The following TRIO variants were observed in gnomAD, a reference collection of about 807,000 sequenced individuals.
TRIO encodes triple functional domain protein.
In TRIO, 58 loss-of-function variants were observed where a neutral mutation model predicts 351.9. That is an observed-to-expected ratio of 0.16 (90% confidence interval 0.13 to 0.21). The LOEUF (loss-of-function observed/expected upper bound fraction) is 0.21. Among genes scored for constraint, TRIO ranks in the 10% least tolerant of loss-of-function variants. TRIO has a pLI of 1.00. For synonymous variants in TRIO, 1,758 were observed against 1,595.7 expected (o/e 1.10, Z -2.42); for missense variants, 3,201 against 4,027.8 (o/e 0.79, Z 5.56).
At chr5:14,155,129 T>C (rs1788033872) in intron 1 of TRIO, among the ~76,000 whole-genome samples, 1 of 152,154 alleles carries the variant, frequency 6.6e-6, no homozygotes, top group Non-Finnish European at 1.5e-5. Context: ...GGGGTGGGGG[T>C]AAACTTACTT....
At chr5:14,392,454 A>G (rs532785237) in intron 27 of TRIO, among the ~76,000 whole-genome samples, 2 of 152,350 alleles carry the variant, frequency 1.3e-5, no homozygotes, top group Non-Finnish European at 2.9e-5. Flanking sequence ...CTGTGGAGAA[A>G]TAGGAATGCT....
chr5:14,182,161 T>G (rs943080091), intron 1 of TRIO, among the ~76,000 whole-genome samples: 1 of 152,160 alleles, frequency 6.6e-6, no homozygotes. Context: ...GGCCTGAAGA[T>G]TTGATAAACG....
At chr5:14,377,110 G>C (rs1270718916) in intron 19 of TRIO, among the ~76,000 whole-genome samples, 2 of 148,348 alleles carry the variant, frequency 1.3e-5, no homozygotes, top group Admixed American at 6.7e-5. Flanking sequence ...GTTTTTGGTG[G>C]TTCTTGTTTG....
Position 14,364,961 on chromosome 5 carries a change from A to G in TRIO, c.2754+145A>G, listed in dbSNP as rs1744468991. On this transcript the variant is annotated intron_variant, in intron 15 of 56. Transcript: ENST00000344204. ...TCCTGATATGTAAGATAATGCGCACATACACACACCCCCGCCCCCCGATTA... is the reference window on the plus strand; with the variant it reads ...TCCTGATATGTAAGATAATGCGCACGTACACACACCCCCGCCCCCCGATTA... 7.4e-6 allele frequency: 8 copies of G among 1,085,408 alleles called. No individual in the cohort carries two copies. The South Asian group carries it at 1.4e-4, about 19-fold the overall frequency. The allele number at this position is 1,085,408 out of a possible 1,614,324, so 67.2% of individuals were successfully genotyped here. A position where few individuals can be genotyped will look rare whatever the true frequency, so the allele number is the denominator to read the frequency against.
chr5:14,252,994 T>G (rs906246267), intron 1 of TRIO, among the ~76,000 whole-genome samples: 2 of 152,218 alleles, frequency 1.3e-5, no homozygotes, highest in African/African-American at 4.8e-5. Context: ...GGCCCCAAAA[T>G]TACAATTAGC....
At chr5:14,479,825 G>T in intron 42 of TRIO, 94 bp from the exon 43 acceptor site, 1 of 1,107,606 alleles carries the variant, frequency 9.0e-7, no homozygotes, top group South Asian at 1.5e-5. Flanking sequence ...TACTTTTACT[G>T]CCAGTGTTGT....
chr5:14,316,474 C>G, intron 8 of TRIO, 39 bp from the exon 9 acceptor site: 1 of 1,608,224 alleles, frequency 6.2e-7, no homozygotes. Context: ...TAGGCCAAAC[C>G]TCAGATCGTG....
At chr5:14,287,215 T>A (rs1287675016) in intron 4 of TRIO, 152 bp downstream of exon 4, 1 of 737,370 alleles carries the variant, frequency 1.4e-6, no homozygotes, top group Non-Finnish European at 2.2e-6. Context: ...AGTTACTGCA[T>A]GAAATAACAG....
chr5:14,355,682 A>G (rs886590161), intron 11 of TRIO, among the ~76,000 whole-genome samples: 2 of 152,226 alleles, frequency 1.3e-5, no homozygotes, highest in African/African-American at 2.4e-5. Context: ...GATCTTTCCT[A>G]TTTATAAATG....
chr5:14,323,958 T>A (rs1470414526), intron 9 of TRIO, among the ~76,000 whole-genome samples: 1 of 152,242 alleles, frequency 6.6e-6, no homozygotes, highest in African/African-American at 2.4e-5. Flanking sequence ...CCACCTACTT[T>A]GGTTTAACCG....
rs55799712 is a variant in TRIO, at chr5:14,308,649, TCATCCATC to T, written c.1500+4085_1500+4092del. ...AACCAGTCACCCAACCACCCATTCATCATCCATCCATCCATCCATCCATCCATCCATCC... is the reference window on the plus strand; with the variant it reads ...AACCAGTCACCCAACCACCCATTCATCATCCATCCATCCATCCATCCATCC... On this transcript the variant is annotated intron_variant, in intron 8 of 56. Transcript: ENST00000344204. 9.6e-3 allele frequency among the ~76,000 whole-genome samples: 1,334 copies of T among 139,362 alleles called. 14 individuals carry two copies. Among genetic ancestry groups the T allele is most frequent in the African/African-American group, 0.03 (1,125 of 37,504 alleles). 91.4% of individuals were successfully genotyped at this position (139,362 alleles called of 152,430 possible).
At chr5:14,481,141 C>A in intron 43 of TRIO, 93 bp from the exon 44 acceptor site, 2 of 1,372,032 alleles carry the variant, frequency 1.5e-6, no homozygotes, top group South Asian at 1.4e-5. Flanking sequence ...GCTTGAGTAA[C>A]ATAGTGAGAC....
intron 34 of TRIO, among the ~76,000 whole-genome samples, chr5:14,423,357 G>T (rs1432500153): frequency 6.6e-6 from 1 of 152,194 alleles, no homozygotes; most frequent in Non-Finnish European, 1.5e-5. Context: ...GTTGAAATCG[G>T]TGTCACGTCA....
chr5:14,174,726 A>C (rs1789304456), intron 1 of TRIO, among the ~76,000 whole-genome samples: 1 of 152,218 alleles, frequency 6.6e-6, no homozygotes, highest in African/African-American at 2.4e-5. Context: ...CGCCAAATAA[A>C]TAATAGTATC....
intron 1 of TRIO, among the ~76,000 whole-genome samples, chr5:14,202,293 G>GT (rs1561196197): frequency 1.2e-4 from 4 of 34,348 alleles, no homozygotes; most frequent in African/African-American, 4.0e-4. Flanking sequence ...ATATTTTTGT[G>GT]ATTTTTTTTT....
At chr5:14,415,129 G>A (rs959915149) in intron 33 of TRIO, among the ~76,000 whole-genome samples, 3 of 152,174 alleles carry the variant, frequency 2.0e-5, no homozygotes, top group African/African-American at 4.8e-5. Flanking sequence ...GACGGTTCAC[G>A]GGAGTTAATA....
At chr5:14,337,155 TG>T (rs1341285428) in intron 11 of TRIO, among the ~76,000 whole-genome samples, 2 of 152,196 alleles carry the variant, frequency 1.3e-5, no homozygotes, top group East Asian at 3.9e-4. Flanking sequence ...TGAGTTTAAA[TG>T]TGCCAGAGCC....
chr5:14,312,445 A>C (rs1458385380), intron 8 of TRIO, among the ~76,000 whole-genome samples: 1 of 152,202 alleles, frequency 6.6e-6, no homozygotes, highest in African/African-American at 2.4e-5. Flanking sequence ...TCTCTTTATA[A>C]AATGTTAATC....
At position 14,251,990 on chromosome 5, in the gene TRIO, T is replaced by A. The variant is rs562581546; in HGVS notation, c.158-18835T>A. Among the ~76,000 whole-genome samples, 14 of 146,930 alleles carry A rather than the reference T, an allele frequency of 9.5e-5. No individual in the cohort carries two copies. In the South Asian group the frequency reaches 2.6e-3, roughly 27 times the overall value. On this transcript the variant is annotated intron_variant, in intron 1 of 56. Transcript: ENST00000344204. ...AACTTAAAAAAAAAAAAAAAAGCCC[T>A]TCCCAAGCTGTGGTACCTCCTTAAC...
Sources: allele counts gnomAD v4.1 joint callset (sites outside exome capture counted in the v4.1 genomes callset), GRCh38; gene constraint gnomAD v4.1.1; transcripts MANE v1.5; gene names NCBI Gene and HGNC (gene_info 2026-07-23, HGNC 2026-07-21).